The following SPRN variants were observed in gnomAD, a reference collection of about 807,000 sequenced individuals.
SPRN encodes hypothetical protein BC004409.
For missense variants in SPRN, 312 were observed against 241.4 expected, an observed-to-expected ratio of 1.29 and a Z score of -1.94; for synonymous variants, 182 against 123.4, an observed-to-expected ratio of 1.48 and a Z score of -3.15.
intron 1 of SPRN, among the ~76,000 whole-genome samples, chr10:133,424,177 C>T (rs1395548008): frequency 1.5e-5 from 2 of 137,680 alleles, no homozygotes; most frequent in Admixed American, 7.2e-5. Context: ...GGGCCTGGTC[C>T]CCACCTTTGG....
chr10:133,423,534 GCACCCT>G lies in SPRN; in HGVS notation c.142_147del (p.Val51_Arg52del). 3 of 1,212,342 alleles carry G rather than the reference GCACCCT, an allele frequency of 2.5e-6. No homozygotes were observed. The highest frequency in any genetic ancestry group is 3.3e-4 in the Middle Eastern group (1 of 3,044). 75.1% of individuals were successfully genotyped at this position (1,212,342 alleles called of 1,614,324 possible). A position where few individuals can be genotyped will look rare whatever the true frequency, so the allele number is the denominator to read the frequency against. ...CCGTAGCGCTGCGCCGGCCTCACGC[GCACCCT>G]CGAGGCCCCGCGCGCACCCCCGCGG... is the stretch of plus-strand genomic sequence containing the variant. On this transcript the variant is annotated inframe_deletion, in exon 2 of 2. Transcript: ENST00000685335.
In SPRN at chr10:133,422,593, C is replaced by G. The variant is rs1018686359; in HGVS notation, c.*633G>C. The G allele has an allele frequency of 6.6e-6, 1 of 152,282 alleles. No homozygotes were observed. The highest frequency in any genetic ancestry group is 2.4e-5 in the African/African-American group (1 of 41,424). 9.4% of individuals were successfully genotyped at this position (152,282 alleles called of 1,614,324 possible). ...GGGGGAGAAGGCCTGGACAGCCCCT[C>G]AGGGCAGGGTGTGTTTTCCCACCAG... On this transcript the variant is annotated 3_prime_UTR_variant, in exon 2 of 2. Transcript: ENST00000685335.
intron 1 of SPRN, among the ~76,000 whole-genome samples, 155 bp downstream of exon 1, chr10:133,424,318 G>A (rs1212527549): frequency 7.0e-6 from 1 of 143,364 alleles, no homozygotes; most frequent in Non-Finnish European, 1.5e-5. Flanking sequence ...GCTCAATGCC[G>A]TCCCCGGCCG....
rs1409002572 is a variant in SPRN at position 133,423,240 on chromosome 10, G to A, written c.442C>T (p.Leu148=). ...CCCAGCCAGGCCTAGGGCCGCAGCAGCCCCAGGGCTCCGAGGGCGCCGCCC... is the reference window on the plus strand; with the variant it reads ...CCCAGCCAGGCCTAGGGCCGCAGCAACCCCAGGGCTCCGAGGGCGCCGCCC... ...VLGGALGALG[L]LRP Residue 148 remains leucine (L), a synonymous_variant, in exon 2 of 2, where the codon CTG becomes TTG. Coordinates refer to ENST00000685335, the MANE Select transcript of SPRN (RefSeq NM_001391974.1). 7 of 1,471,638 alleles carry A rather than the reference G, an allele frequency of 4.8e-6. No homozygotes were observed. Among genetic ancestry groups the A allele is most frequent in the Admixed American group, 2.2e-5 (1 of 44,956 alleles). The allele number at this position is 1,471,638 out of a possible 1,614,324, so 91.2% of individuals were successfully genotyped here.
Position 133,423,458 on chromosome 10 carries a change from GCCCCGGC to G in SPRN, c.217_223del (p.Ala73ArgfsTer142). On this transcript the variant is annotated frameshift_variant, in exon 2 of 2. Coordinates refer to ENST00000685335, the MANE Select transcript of SPRN (RefSeq NM_001391974.1). LOFTEE classifies it low-confidence loss of function (END_TRUNC). Reference sequence around the variant, plus strand: ...CAGGCCCGCGGCCGCTCCCGCCGCCGCCCCGGCTGCCGCCCCGGCGGCAGCCACGCGC... The same window carrying G: ...CAGGCCCGCGGCCGCTCCCGCCGCCGTGCCGCCCCGGCGGCAGCCACGCGC... 8.5e-7 allele frequency: 1 copy of G among 1,178,630 alleles called. No individual in the cohort carries two copies. The allele number at this position is 1,178,630 out of a possible 1,614,324, so 73.0% of individuals were successfully genotyped here.
chr10:133,423,172 C>T lies in SPRN; in HGVS notation c.*54G>A, dbSNP rs1850284636. On this transcript the variant is annotated 3_prime_UTR_variant, in exon 2 of 2. Coordinates refer to ENST00000685335, the MANE Select transcript of SPRN (RefSeq NM_001391974.1). The stretch of plus-strand genomic sequence containing the variant: ...GAAGGGGGAGCCCAGGCCGGAGGAT[C>T]CTGGGGGATGGCGCGGGCCGGGGGC... 2 of 1,361,700 alleles carry T rather than the reference C, an allele frequency of 1.5e-6. No individual in the cohort carries two copies. Among genetic ancestry groups the T allele is most frequent in the Non-Finnish European group, 1.9e-6 (2 of 1,053,618 alleles). The allele number at this position is 1,361,700 out of a possible 1,614,324, so 84.4% of individuals were successfully genotyped here.
chr10:133,423,851 G>C (rs1245305200), intron 1 of SPRN, among the ~76,000 whole-genome samples, 154 bp from the exon 2 acceptor site: 6 of 152,274 alleles, frequency 3.9e-5, no homozygotes, highest in Non-Finnish European at 8.8e-5. Flanking sequence ...GGGGGGGCGC[G>C]GTTTAACCTC....
In SPRN at chr10:133,423,598, G is replaced by C. The variant is rs376232550; in HGVS notation, c.84C>G (p.Arg28=). Residue 28 remains arginine, a synonymous_variant, in exon 2 of 2, where the codon CGC becomes CGG. Transcript: ENST00000685335. The part of the protein sequence containing the change: ...LCDSGAAKGG[R]GGARGSARGG... ...CCCGGGCACTGCCCCGCGCACCTCC[G>C]CGGCCGCCCTTGGCTGCGCCGCTGT... is the stretch of plus-strand genomic sequence containing the variant. The C allele has an allele frequency of 6.7e-7, 1 of 1,503,360 alleles. No individual in the cohort carries two copies. Among genetic ancestry groups the C allele is most frequent in the Non-Finnish European group, 8.9e-7 (1 of 1,129,850 alleles). The allele number at this position is 1,503,360 out of a possible 1,614,324, so 93.1% of individuals were successfully genotyped here.
In SPRN at chr10:133,423,453, CCGCCGCCCCGGCTGCCGCCCCGG is replaced by C. The variant is rs1411704376; in HGVS notation, c.206_228del (p.Ala69GlyfsTer218). On this transcript the variant is annotated frameshift_variant, in exon 2 of 2. Coordinates refer to ENST00000685335, the MANE Select transcript of SPRN (RefSeq NM_001391974.1). LOFTEE classifies it low-confidence loss of function (END_TRUNC). ...GCCGCCAGGCCCGCGGCCGCTCCCGCCGCCGCCCCGGCTGCCGCCCCGGCGGCAGCCACGCGCAGGGAGGAGCC... is the reference window on the plus strand; with the variant it reads ...GCCGCCAGGCCCGCGGCCGCTCCCGCCGGCAGCCACGCGCAGGGAGGAGCC... 132 of 1,214,246 alleles carry C rather than the reference CCGCCGCCCCGGCTGCCGCCCCGG, an allele frequency of 1.1e-4. 2 individuals are homozygous for C. The highest frequency in any genetic ancestry group is 1.3e-4 in the Non-Finnish European group (126 of 980,432). The allele number at this position is 1,214,246 out of a possible 1,614,324, so 75.2% of individuals were successfully genotyped here. A position where few individuals can be genotyped will look rare whatever the true frequency, so the allele number is the denominator to read the frequency against.
In SPRN at chr10:133,423,358, G is replaced by A. The variant is rs1264833118; in HGVS notation, c.324C>T (p.Pro108=). 3 of 1,514,874 alleles carry A rather than the reference G, an allele frequency of 2.0e-6. No homozygotes were observed. The highest frequency in any genetic ancestry group is 2.6e-5 in the East Asian group (1 of 37,892). The allele number at this position is 1,514,874 out of a possible 1,614,324, so 93.8% of individuals were successfully genotyped here. ...TGCCGGGGCCTGTCCCGTTGCCTCC[G>A]GGCACCCCGTCCTCCTCGTCCTCCA... ...RGLEDEEDGV[P]GGNGTGPGIY... The change falls in exon 2 of 2, where the codon CCC becomes CCT. Residue 108 remains proline, a synonymous_variant. Coordinates refer to ENST00000685335, the MANE Select transcript of SPRN (RefSeq NM_001391974.1).
Position 133,421,005 on chromosome 10 carries a change from G to A in SPRN, c.*2221C>T, listed in dbSNP as rs141847037. On this transcript the variant is annotated 3_prime_UTR_variant, in exon 2 of 2. Coordinates refer to ENST00000685335, the MANE Select transcript of SPRN (RefSeq NM_001391974.1). ...CCTAGAAGAGGGAAGAGGAAGGAAG[G>A]TGGGTGGGGCTGGTAGTATGGACTA... The A allele has an allele frequency of 3.3e-5, 5 of 152,610 alleles. No homozygotes were observed. Among genetic ancestry groups the A allele is most frequent in the African/African-American group, 9.6e-5 (4 of 41,484 alleles). 9.5% of individuals were successfully genotyped at this position (152,610 alleles called of 1,614,324 possible).
rs1466911725 is a variant in SPRN, at chr10:133,424,281, G to A, written c.-17+192C>T. ...CCGCCCCAGCAGACCCGTGCCCCAG[G>A]GGCAGTCCCTCCCGCGCGCGCCCGG... On this transcript the variant is annotated intron_variant, in intron 1 of 1. Coordinates refer to ENST00000685335, the MANE Select transcript of SPRN (RefSeq NM_001391974.1). 8.6e-5 allele frequency among the ~76,000 whole-genome samples: 11 copies of A among 127,670 alleles called. 1 individual carries two copies. The East Asian group carries it at 2.2e-3, about 26-fold the overall frequency. The allele number at this position is 127,670 out of a possible 152,430, so 83.8% of individuals were successfully genotyped here.
At chr10:133,424,384 A>G (rs942332262) in intron 1 of SPRN, 89 bp downstream of exon 1, 1 of 141,060 alleles carries the variant, frequency 7.1e-6, no homozygotes, top group Non-Finnish European at 1.5e-5. Context: ...GGCCGCGTCC[A>G]GACACGGCTG....
In SPRN at chr10:133,423,633, A is replaced by T. The variant is rs779944360; in HGVS notation, c.49T>A (p.Phe17Ile). 6 of 1,559,904 alleles carry T rather than the reference A, an allele frequency of 3.8e-6. No individual in the cohort carries two copies. The highest frequency in any genetic ancestry group is 5.2e-6 in the Non-Finnish European group (6 of 1,155,160). Reference sequence around the variant, plus strand: ...TTGGCTGCGCCGCTGTCGCAGAGGAAGGCGGCCGCCAGTAGCAGAGCCCAG... The same window carrying T: ...TTGGCTGCGCCGCTGTCGCAGAGGATGGCGGCCGCCAGTAGCAGAGCCCAG... Reference protein sequence around the residue: ...TCWALLLAAAFLCDSGAAKGG... With the variant: ...TCWALLLAAAILCDSGAAKGG... The change falls in exon 2 of 2, where the codon TTC becomes ATC. Residue 17 changes from phenylalanine to isoleucine, a missense_variant. Physicochemically the swap from Phe to Ile is conservative, Grantham distance 21 (BLOSUM62 0). Transcript: ENST00000685335.
chr10:133,423,336 C>A lies in SPRN; in HGVS notation c.346G>T (p.Gly116Cys). 6.6e-7 allele frequency: 1 copy of A among 1,521,936 alleles called. No homozygotes were observed. Among genetic ancestry groups the A allele is most frequent in the South Asian group, 1.2e-5 (1 of 82,016 alleles). 94.3% of individuals were successfully genotyped at this position (1,521,936 alleles called of 1,614,324 possible). The stretch of plus-strand genomic sequence containing the variant: ...GTCCACGCCCGGTAGCTGTAGATGC[C>A]GGGGCCTGTCCCGTTGCCTCCGGGC... ...GVPGGNGTGPGIYSYRAWTSG... is the reference protein window; with the variant it reads ...GVPGGNGTGPCIYSYRAWTSG... The change falls in exon 2 of 2, where the codon GGC (glycine) becomes TGC (cysteine). Residue 116 changes from glycine (G) to cysteine (C), a missense_variant. Physicochemically the swap from Gly to Cys is radical, Grantham distance 159. Transcript: ENST00000685335.
In SPRN at chr10:133,423,401, C is replaced by T; in HGVS notation, c.281G>A (p.Gly94Glu). Residue 94 changes from glycine to glutamate, a missense_variant, in exon 2 of 2, where the codon GGA (glycine) becomes GAA (glutamate). Gly to Glu is a moderately conservative substitution (Grantham distance 98). Coordinates refer to ENST00000685335, the MANE Select transcript of SPRN (RefSeq NM_001391974.1). The part of the protein sequence containing the change: ...AAGSGWRRAA[G>E]PGERGLEDEE... ...GTCCTCCAGGCCGCGTTCCCCGGGT[C>T]CCGCGGCCCTTCTCCAGCCCGAGCC... The T allele has an allele frequency of 6.7e-7, 1 of 1,487,456 alleles. No homozygotes were observed. Among genetic ancestry groups the T allele is most frequent in the Non-Finnish European group, 8.9e-7 (1 of 1,123,194 alleles). The allele number at this position is 1,487,456 out of a possible 1,614,324, so 92.1% of individuals were successfully genotyped here.
Position 133,423,188 on chromosome 10 carries a change from G to A in SPRN, c.*38C>T, listed in dbSNP as rs1377541972. The A allele has an allele frequency of 3.7e-6, 5 of 1,366,368 alleles. No individual in the cohort carries two copies. Among genetic ancestry groups the A allele is most frequent in the East Asian group, 3.0e-5 (1 of 33,138 alleles). 84.6% of individuals were successfully genotyped at this position (1,366,368 alleles called of 1,614,324 possible). On this transcript the variant is annotated 3_prime_UTR_variant, in exon 2 of 2. Coordinates refer to ENST00000685335, the MANE Select transcript of SPRN (RefSeq NM_001391974.1). ...CCGGAGGATCCTGGGGGATGGCGCG[G>A]GCCGGGGGCCAGATGTGGTCCCCGA...
chr10:133,423,226 C>T lies in SPRN; in HGVS notation c.456G>A (p.Ter152=). The T allele has an allele frequency of 6.9e-7, 1 of 1,444,350 alleles. No individual in the cohort carries two copies. The highest frequency in any genetic ancestry group is 9.1e-7 in the Non-Finnish European group (1 of 1,098,592). The allele number at this position is 1,444,350 out of a possible 1,614,324, so 89.5% of individuals were successfully genotyped here. ...ATGTGGTCCCCGAGCCCAGCCAGGC[C>T]TAGGGCCGCAGCAGCCCCAGGGCTC... ...ALGALGLLRP[*] is the part of the protein sequence containing the mutation. Residue 152 remains the stop codon, a stop_retained_variant, in exon 2 of 2, where the codon TAG becomes TAA. Coordinates refer to ENST00000685335, the MANE Select transcript of SPRN (RefSeq NM_001391974.1).
rs772423880 is a variant in SPRN, at chr10:133,422,518, C to G, written c.*708G>C. ...CTAAGGAGGGTAAAGTGACTTGTTT[C>G]AAGTTGTTGGAGCAAAGTGGGTCTC... On this transcript the variant is annotated 3_prime_UTR_variant, in exon 2 of 2. Coordinates refer to ENST00000685335, the MANE Select transcript of SPRN (RefSeq NM_001391974.1). 6.6e-6 allele frequency: 1 copy of G among 152,332 alleles called. No individual in the cohort carries two copies. The highest frequency in any genetic ancestry group is 1.5e-5 in the Non-Finnish European group (1 of 68,146). 9.4% of individuals were successfully genotyped at this position (152,332 alleles called of 1,614,324 possible).
Sources: gnomAD v4.1 joint callset for allele counts (sites outside exome capture counted in the v4.1 genomes callset) on GRCh38, gnomAD v4.1.1 for gene constraint, MANE v1.5 for transcripts, NCBI Gene and HGNC (gene_info 2026-07-23, HGNC 2026-07-21) for gene names.